ZNF710: variants seen among roughly 807,000 people sequenced by gnomAD.
ZNF710 encodes zinc finger protein 710.
Under a neutral mutation model 50.6 loss-of-function variants are expected in ZNF710, and 13 were observed. That is an observed-to-expected ratio of 0.26 (90% CI 0.17 to 0.41). The LOEUF is 0.41. ZNF710 is among the 10% of genes least tolerant of loss of function. The pLI, the probability that ZNF710 is intolerant of heterozygous loss-of-function variation, is 1.00. For missense variants in ZNF710, 721 were observed against 936.6 expected (o/e 0.77, Z 3.01); for synonymous variants, 383 against 397.0 (o/e 0.96, Z 0.42).
intron 1 of ZNF710, among the ~76,000 whole-genome samples, chr15:90,066,050 C>T (rs976149293): frequency 1.3e-5 from 2 of 152,062 alleles, no homozygotes; most frequent in African/African-American, 2.4e-5. Context: ...GGAACTCCAA[C>T]GTATAAAATC....
intron 1 of ZNF710, among the ~76,000 whole-genome samples, chr15:90,011,306 G>A (rs941786941): frequency 6.6e-6 from 1 of 151,578 alleles, no homozygotes; most frequent in Non-Finnish European, 1.5e-5. Flanking sequence ...GGCAGTTCTG[G>A]CTATGTTGCC....
chr15:90,074,343 C>T, intron 4 of ZNF710, 53 bp downstream of exon 4: 8 of 1,602,102 alleles, frequency 5.0e-6, no homozygotes, highest in Non-Finnish European at 6.8e-6. Flanking sequence ...ACATGACGCA[C>T]TCAGGAGCCT....
chr15:90,001,915 GGAGA>G (rs1898021782), intron 1 of ZNF710, among the ~76,000 whole-genome samples: 1 of 141,226 alleles, frequency 7.1e-6, no homozygotes, highest in Non-Finnish European at 1.6e-5. Context: ...GAGGGGGAAG[GGAGA>G]GGGAGGGAGC....
At chr15:90,060,808 A>G (rs1899984138) in intron 1 of ZNF710, among the ~76,000 whole-genome samples, 1 of 152,176 alleles carries the variant, frequency 6.6e-6, no homozygotes, top group East Asian at 1.9e-4. Context: ...GTGATCCAGT[A>G]TTGCTCCACC....
At chr15:90,004,011 C>T (rs908862994) in intron 1 of ZNF710, among the ~76,000 whole-genome samples, 8 of 152,020 alleles carry the variant, frequency 5.3e-5, no homozygotes, top group East Asian at 1.9e-4. Context: ...TGAAGTGGGA[C>T]GCGGGCTCAC....
chr15:90,067,900 G>C lies in ZNF710; in HGVS notation c.763G>C (p.Glu255Gln). The change falls in exon 2 of 5, where the codon GAG becomes CAG. Residue 255 changes from glutamate to glutamine, a missense_variant. Physicochemically the swap from Glu to Gln is conservative, Grantham distance 29. Around this residue, in one of 3 missense-constraint regions of ZNF710, gnomAD observed 326 missense variants for 522.0 expected, o/e 0.62. Coordinates refer to ENST00000268154, the MANE Select transcript of ZNF710 (RefSeq NM_198526.4). The surrounding 1 kb of genome is among the most constrained non-coding windows in gnomAD (Gnocchi z 8.1). The part of the protein sequence containing the change: ...GFVWQEASEF[E>Q]ADTAGSTVER... ...CGTGTGGCAGGAGGCCAGTGAGTTC[G>C]AGGCTGACACGGCGGGTTCGACCGT... 1 of 1,613,388 alleles carries C rather than the reference G, an allele frequency of 6.2e-7. No individual in the cohort carries two copies. The highest frequency in any genetic ancestry group is 8.5e-7 in the Non-Finnish European group (1 of 1,179,708).
intron 1 of ZNF710, among the ~76,000 whole-genome samples, chr15:90,007,357 A>G (rs1307191014): frequency 6.6e-6 from 1 of 152,132 alleles, no homozygotes; most frequent in African/African-American, 2.4e-5. Flanking sequence ...AGACCTTCAC[A>G]TCACTGTAGA....
At chr15:90,012,073 C>A (rs780615713) in intron 1 of ZNF710, among the ~76,000 whole-genome samples, 5 of 151,886 alleles carry the variant, frequency 3.3e-5, no homozygotes, top group Non-Finnish European at 1.5e-5. Flanking sequence ...AGTGTGGTGG[C>A]GTGTGCCTGT....
chr15:90,012,896 A>G (rs1596264961), intron 1 of ZNF710, among the ~76,000 whole-genome samples: 2 of 152,132 alleles, frequency 1.3e-5, no homozygotes, highest in African/African-American at 4.8e-5. Flanking sequence ...TTAAAAAACA[A>G]TCTCTTACTC....
intron 1 of ZNF710, among the ~76,000 whole-genome samples, chr15:90,043,550 C>T (rs1899365716): frequency 6.6e-6 from 1 of 152,214 alleles, no homozygotes; most frequent in Non-Finnish European, 1.5e-5. Flanking sequence ...TCCAGTGGAA[C>T]TGAATTTATT....
At chr15:90,008,441 C>CATATATATATATACATATATAT (rs1011267136) in intron 1 of ZNF710, among the ~76,000 whole-genome samples, 30 of 126,478 alleles carry the variant, frequency 2.4e-4, no homozygotes, top group Middle Eastern at 3.8e-3. Context: ...TATATATATA[C>CATATATATATATACATATATAT]ATATATATAT....
rs578171156 is a variant in ZNF710 at position 90,052,643 on chromosome 15, A to G, written c.-28-14467A>G. ...CTGTAAAATGAAAATTAAAACGTCT[A>G]TCTTGGGCCTGGTTCGGTGGCTCAC... On this transcript the variant is annotated intron_variant, in intron 1 of 4. Coordinates refer to ENST00000268154, the MANE Select transcript of ZNF710 (RefSeq NM_198526.4). Among the ~76,000 whole-genome samples the G allele has an allele frequency of 8.5e-5, 13 of 152,324 alleles. No individual in the cohort carries two copies. In the South Asian group the frequency reaches 1.4e-3, roughly 17 times the overall value.
chr15:90,037,698 T>G (rs1026079107), intron 1 of ZNF710, among the ~76,000 whole-genome samples: 4 of 152,240 alleles, frequency 2.6e-5, no homozygotes, highest in Non-Finnish European at 5.9e-5. Context: ...TGAGAGCATC[T>G]TCAGCACTCA....
chr15:90,038,306 C>G (rs565055229), intron 1 of ZNF710, among the ~76,000 whole-genome samples: 1 of 152,330 alleles, frequency 6.6e-6, no homozygotes, highest in South Asian at 2.1e-4. Flanking sequence ...TGTGTTTCCT[C>G]CTAACTCTTT....
At chr15:90,058,699 A>ATT (rs1491214084) in intron 1 of ZNF710, among the ~76,000 whole-genome samples, 1 of 141,506 alleles carries the variant, frequency 7.1e-6, no homozygotes, top group African/African-American at 3.2e-5. Flanking sequence ...GACACTATAT[A>ATT]TTTATATATA....
At chr15:90,048,602 T>G (rs1899541074) in intron 1 of ZNF710, among the ~76,000 whole-genome samples, 1 of 152,204 alleles carries the variant, frequency 6.6e-6, no homozygotes, top group Admixed American at 6.5e-5. Context: ...CTGCGTTTGT[T>G]TGCTGAGGAG....
chr15:90,057,991 G>A (rs1476317421), intron 1 of ZNF710, among the ~76,000 whole-genome samples: 1 of 152,174 alleles, frequency 6.6e-6, no homozygotes, highest in Non-Finnish European at 1.5e-5. Flanking sequence ...ACCTCTTAGA[G>A]GAGGGAGATC....
intron 1 of ZNF710, among the ~76,000 whole-genome samples, chr15:90,038,064 C>G (rs1198834967): frequency 6.6e-6 from 1 of 152,216 alleles, no homozygotes; most frequent in Admixed American, 6.5e-5. Context: ...TTCCCCTCGA[C>G]CCGCAGTCGG....
intron 1 of ZNF710, among the ~76,000 whole-genome samples, chr15:90,051,353 A>G (rs778592256): frequency 6.6e-6 from 1 of 151,028 alleles, no homozygotes; most frequent in African/African-American, 2.4e-5. Context: ...GCACAGGCAG[A>G]CTAGGCGCAG....
Sources: allele counts gnomAD v4.1 joint callset (sites outside exome capture counted in the v4.1 genomes callset), GRCh38; gene constraint gnomAD v4.1.1; regional missense constraint gnomAD v4.1.1; non-coding constraint Gnocchi (gnomAD v3.1); transcripts MANE v1.5; gene names NCBI Gene and HGNC (gene_info 2026-07-23, HGNC 2026-07-21).